The following BICD2 variants were observed in gnomAD, a reference collection of about 807,000 sequenced individuals.
The protein encoded by BICD2 is protein bicaudal D homolog 2.
A neutral mutation model predicts 72.9 loss-of-function variants in BICD2; 25 were observed. That is an observed-to-expected ratio of 0.34 (90% CI 0.25 to 0.48). The LOEUF is 0.48. Ranked by LOEUF, BICD2 falls within the 20% of genes least tolerant of loss-of-function variation. The pLI is 0.99. For missense variants in BICD2, 894 were observed against 1,175.2 expected, an observed-to-expected ratio of 0.76 and a Z score of 3.50; for synonymous variants, 501 against 516.1, an observed-to-expected ratio of 0.97 and a Z score of 0.40.
At chr9:92,728,350 A>T (rs1853608189) in intron 2 of BICD2, among the ~76,000 whole-genome samples, 1 of 152,188 alleles carries the variant, frequency 6.6e-6, no homozygotes, top group Non-Finnish European at 1.5e-5. Flanking sequence ...ACTTGGACGG[A>T]TTCATGGACG....
At chr9:92,717,972 G>A in intron 5 of BICD2, 24 bp from the exon 6 acceptor site, 2 of 1,607,986 alleles carry the variant, frequency 1.2e-6, no homozygotes, top group Non-Finnish European at 1.7e-6. Context: ...GTGTAGGGTG[G>A]AAAAGTGAAA....
Position 92,714,123 on chromosome 9 carries a change from T to C in BICD2, c.*1031A>G, listed in dbSNP as rs546609779. ...TGCACTAAATAAAGAGACCTAAACA[T>C]CTCCTACCTGTGAATCCTGACAAGT... On this transcript the variant is annotated 3_prime_UTR_variant, in exon 7 of 7. Transcript: ENST00000356884. 6.3e-5 allele frequency: 62 copies of C among 985,582 alleles called. No individual in the cohort carries two copies. In the African/African-American group the frequency reaches 1.1e-3, roughly 17 times the overall value. The allele number at this position is 985,582 out of a possible 1,614,324, so 61.1% of individuals were successfully genotyped here. A position where few individuals can be genotyped will look rare whatever the true frequency, so the allele number is the denominator to read the frequency against.
Position 92,717,846 on chromosome 9 carries a change from T to G in BICD2, c.2209A>C (p.Lys737Gln). ...GAGGAGAAGGTGGCTGCGTCCTCCT[T>G]GAGGGCCTTGAGCTCATTGCGCAGC... is the stretch of plus-strand genomic sequence containing the variant. The part of the protein sequence containing the change: ...MKLRNELKAL[K>Q]EDAATFSSLR... The change falls in exon 6 of 7, where the codon AAG becomes CAG. Residue 737 changes from lysine (K) to glutamine (Q), a missense_variant. Lys to Gln is a moderately conservative substitution (Grantham distance 53). Coordinates refer to ENST00000356884, the MANE Select transcript of BICD2 (RefSeq NM_001003800.2). The G allele has an allele frequency of 6.2e-7, 1 of 1,612,646 alleles. No individual in the cohort carries two copies.
intron 1 of BICD2, among the ~76,000 whole-genome samples, chr9:92,734,750 C>T (rs1434658953): frequency 6.6e-6 from 1 of 152,132 alleles, no homozygotes; most frequent in Non-Finnish European, 1.5e-5. Context: ...CCCTGCCTCA[C>T]TGTGGGCCTC....
chr9:92,757,578 C>T (rs2131536149), intron 1 of BICD2, among the ~76,000 whole-genome samples: 1 of 109,604 alleles, frequency 9.1e-6, no homozygotes, highest in South Asian at 3.2e-4. Context: ...GCCTATAGTC[C>T]CAGCTACTGC....
Position 92,748,024 on chromosome 9 carries a change from T to C in BICD2, c.240+16481A>G, listed in dbSNP as rs549904001. Among the ~76,000 whole-genome samples, 3 of 152,304 alleles carry C rather than the reference T, an allele frequency of 2.0e-5. No individual in the cohort carries two copies. The East Asian group carries it at 5.8e-4, about 29-fold the overall frequency. Reference sequence around the variant, plus strand: ...CATATGTATGAATATGTATGCCATATGTATGAATACGGCTGAGTGAGGCTA... The same window carrying C: ...CATATGTATGAATATGTATGCCATACGTATGAATACGGCTGAGTGAGGCTA... On this transcript the variant is annotated intron_variant, in intron 1 of 6. Coordinates refer to ENST00000356884, the MANE Select transcript of BICD2 (RefSeq NM_001003800.2).
At chr9:92,738,084 C>T (rs1417816484) in intron 1 of BICD2, among the ~76,000 whole-genome samples, 2 of 152,232 alleles carry the variant, frequency 1.3e-5, no homozygotes, top group Non-Finnish European at 2.9e-5. Context: ...GGTATGTGCA[C>T]ACCTGAAGCC....
intron 1 of BICD2, among the ~76,000 whole-genome samples, chr9:92,749,018 G>A (rs1014687156): frequency 9.9e-5 from 15 of 152,106 alleles, no homozygotes; most frequent in African/African-American, 3.6e-4. Flanking sequence ...GGGGGCAGGA[G>A]GTGGAGTTGG....
At chr9:92,724,619 T>C (rs1046242399) in intron 2 of BICD2, among the ~76,000 whole-genome samples, 7 of 152,162 alleles carry the variant, frequency 4.6e-5, no homozygotes, top group African/African-American at 4.8e-5. Context: ...GCGAGGTGCA[T>C]GCTGGGACGA....
intron 1 of BICD2, among the ~76,000 whole-genome samples, chr9:92,762,992 G>T (rs1284434601): frequency 6.6e-6 from 1 of 152,184 alleles, no homozygotes; most frequent in Non-Finnish European, 1.5e-5. Flanking sequence ...CCCACCCTAA[G>T]ATGGGGACTC....
Position 92,764,319 on chromosome 9 carries a change from C to T in BICD2, c.240+186G>A, listed in dbSNP as rs1266940208. 6.6e-6 allele frequency among the ~76,000 whole-genome samples: 1 copy of T among 152,152 alleles called. No individual in the cohort carries two copies. The highest frequency in any genetic ancestry group is 1.5e-5 in the Non-Finnish European group (1 of 68,012). On this transcript the variant is annotated intron_variant, in intron 1 of 6. Coordinates refer to ENST00000356884, the MANE Select transcript of BICD2 (RefSeq NM_001003800.2). This position sits in a 1 kb window ranked among gnomAD's most constrained non-coding sequence, Gnocchi z 5.5. ...CTGCATTAGCGGCGTCTGCAACGGC[C>T]GCGGCACCGGCCTGCTAGCCAAGGC...
At chr9:92,757,974 C>CAGGCA (rs1854295130) in intron 1 of BICD2, among the ~76,000 whole-genome samples, 1 of 151,842 alleles carries the variant, frequency 6.6e-6, no homozygotes. Context: ...GAGGCTGAGG[C>CAGGCA]GAGTGGATCA....
intron 4 of BICD2, among the ~76,000 whole-genome samples, chr9:92,719,951 A>G (rs1331117063): frequency 6.6e-6 from 1 of 152,150 alleles, no homozygotes; most frequent in Non-Finnish European, 1.5e-5. Context: ...GTTGCCTTGG[A>G]TCAACAGGGA....
intron 2 of BICD2, among the ~76,000 whole-genome samples, chr9:92,725,635 G>T (rs1327924954): frequency 6.6e-6 from 1 of 152,198 alleles, no homozygotes; most frequent in East Asian, 1.9e-4. Context: ...GCACAGGCCT[G>T]TAGCTGACCA....
At chr9:92,744,958 C>A (rs1225150828) in intron 1 of BICD2, among the ~76,000 whole-genome samples, 1 of 152,186 alleles carries the variant, frequency 6.6e-6, no homozygotes, top group Non-Finnish European at 1.5e-5. Flanking sequence ...ATATGTAATT[C>A]TAGTTTAAAA....
Position 92,711,892 on chromosome 9 carries a change from A to G in BICD2, c.*3262T>C, listed in dbSNP as rs1165450632. The G allele has an allele frequency of 6.6e-6, 1 of 152,536 alleles. No homozygotes were observed. The highest frequency in any genetic ancestry group is 1.5e-5 in the Non-Finnish European group (1 of 68,024). The allele number at this position is 152,536 out of a possible 1,614,324, so 9.4% of individuals were successfully genotyped here. A position where few individuals can be genotyped will look rare whatever the true frequency, so the allele number is the denominator to read the frequency against. ...AGGAAGGACAGTTTTTCTTCCTCCA[A>G]GAGTACCAATTTGACCACTCCCACT... On this transcript the variant is annotated 3_prime_UTR_variant, in exon 7 of 7. Coordinates refer to ENST00000356884, the MANE Select transcript of BICD2 (RefSeq NM_001003800.2).
Position 92,717,511 on chromosome 9 carries a change from C to T in BICD2, c.2258+286G>A, listed in dbSNP as rs143091870. ...GCTCCAGCAACTGCTTGCGTGACCT[C>T]GGAGGAAGCTGAGGTGCAGCAGCTA... On this transcript the variant is annotated intron_variant, in intron 6 of 6. Transcript: ENST00000356884. Among the ~76,000 whole-genome samples, 73 of 152,378 alleles carry T rather than the reference C, an allele frequency of 4.8e-4. No individual in the cohort carries two copies. The East Asian group carries it at 0.013, about 27-fold the overall frequency.
chr9:92,740,106 G>GCC (rs1853870042), intron 1 of BICD2, among the ~76,000 whole-genome samples: 1 of 152,114 alleles, frequency 6.6e-6, no homozygotes, highest in Non-Finnish European at 1.5e-5. Flanking sequence ...ATACATCAAA[G>GCC]TGTCAACCAC....
intron 1 of BICD2, among the ~76,000 whole-genome samples, chr9:92,763,090 C>T (rs1035664493): frequency 3.9e-5 from 6 of 152,200 alleles, no homozygotes; most frequent in African/African-American, 1.2e-4. Context: ...TGCTGACAGA[C>T]AACAGAATCG....
Sources: allele counts gnomAD v4.1 joint callset (sites outside exome capture counted in the v4.1 genomes callset), GRCh38; gene constraint gnomAD v4.1.1; non-coding constraint Gnocchi (gnomAD v3.1); transcripts MANE v1.5; gene names NCBI Gene and HGNC (gene_info 2026-07-23, HGNC 2026-07-21).